Variants in WSB1 observed in about 807,000 individuals in gnomAD.
WSB1 encodes the protein WD repeat and SOCS box-containing protein 1.
Under a neutral mutation model 50.2 loss-of-function variants are expected in WSB1, and 23 were observed. The ratio of observed to expected loss-of-function variants is 0.46; its 90% CI spans 0.33 to 0.65. The LOEUF (loss-of-function observed/expected upper bound fraction) is 0.65. Ranked by LOEUF, WSB1 falls within the 30% of genes least tolerant of loss-of-function variation. The pLI is 0.02. For synonymous variants in WSB1, 179 were observed against 172.0 expected (o/e 1.04, Z -0.32); for missense variants, 492 against 522.3 (o/e 0.94, Z 0.56).
intron 7 of WSB1, 47 bp downstream of exon 7, chr17:27,310,221 A>G (rs902733599): frequency 1.3e-6 from 2 of 1,563,014 alleles, no homozygotes; most frequent in African/African-American, 1.4e-5. Context: ...TACCTTTTAC[A>G]TTCTTAAGCC....
chr17:27,300,945 C>T (rs2150831493), intron 1 of WSB1, among the ~76,000 whole-genome samples: 1 of 152,006 alleles, frequency 6.6e-6, no homozygotes, highest in South Asian at 2.1e-4. Context: ...TGCAGTGGCA[C>T]TTTCTTGGCT....
Position 27,304,823 on chromosome 17 carries a change from A to T in WSB1, c.522A>T (p.Arg174Ser), listed in dbSNP as rs773388942. The T allele has an allele frequency of 6.2e-7, 1 of 1,614,028 alleles. No individual in the cohort carries two copies. Among genetic ancestry groups the T allele is most frequent in the Non-Finnish European group, 8.5e-7 (1 of 1,179,976 alleles). The change falls in exon 4 of 9, where the codon AGA becomes AGT. Residue 174 changes from arginine to serine, a missense_variant. Transcript: ENST00000262394. ...TGGTAGATCATACTGAAGTGGTCAG[A>T]GATTTAACTTTTGCTCCAGATGGAA... is the stretch of plus-strand genomic sequence containing the variant. ...LNLVDHTEVV[R>S]DLTFAPDGSL...
At chr17:27,303,318 G>C (rs1334784347) in intron 2 of WSB1, 49 bp from the exon 3 acceptor site, 1 of 1,589,896 alleles carries the variant, frequency 6.3e-7, no homozygotes, top group African/African-American at 1.3e-5. Flanking sequence ...GTCCAGAGGA[G>C]TCCAGAGTGA....
In WSB1 at chr17:27,308,801, T is replaced by G. The variant is rs906367919; in HGVS notation, c.712-299T>G. The G allele has an allele frequency of 6.9e-6, 7 of 1,014,722 alleles. No individual in the cohort carries two copies. In the Admixed American group the frequency reaches 3.9e-4, roughly 56 times the overall value. 62.9% of individuals were successfully genotyped at this position (1,014,722 alleles called of 1,614,324 possible). ...CCGTATATTTTAGTTAATTAGTTTT[T>G]GGAATAAATGGATTTCAGTATAGCT... On this transcript the variant is annotated intron_variant, in intron 5 of 8. Coordinates refer to ENST00000262394, the MANE Select transcript of WSB1 (RefSeq NM_015626.10).
At chr17:27,307,777 T>C (rs2017518787) in intron 5 of WSB1, 1 of 1,535,410 alleles carries the variant, frequency 6.5e-7, no homozygotes, top group Non-Finnish European at 8.7e-7. Context: ...ATTGAGGTTA[T>C]GCTGGCACCA....
At chr17:27,302,404 A>G (rs1366626811) in intron 2 of WSB1, 1 of 145,242 alleles carries the variant, frequency 6.9e-6, no homozygotes, top group Non-Finnish European at 1.5e-5. Context: ...GAGCCAAATA[A>G]TGTCTCAAAA....
chr17:27,308,926 TTAAC>T (rs2017560737), intron 5 of WSB1, 170 bp from the exon 6 acceptor site: 1 of 1,225,048 alleles, frequency 8.2e-7, no homozygotes, highest in Non-Finnish European at 1.0e-6. Flanking sequence ...TCTGCCTTAA[TTAAC>T]TTAAAGACTG....
Position 27,312,331 on chromosome 17 carries a change from C to G in WSB1, c.1228C>G (p.Pro410Ala), listed in dbSNP as rs148844476. Residue 410 changes from proline (P) to alanine (A), a missense_variant, in exon 9 of 9, where the codon CCT (proline) becomes GCT (alanine). Transcript: ENST00000262394. ...CCAAGAAGTTCAGGAGCTGCCGATT[C>G]CTTCCAAGCTTTTGGAGTTTCTCTC... ...PTQEVQELPI[P>A]SKLLEFLSYR... 4.1e-4 allele frequency: 665 copies of G among 1,614,110 alleles called. No individual in the cohort carries two copies. The highest frequency in any genetic ancestry group is 5.4e-4 in the Non-Finnish European group (635 of 1,180,006).
chr17:27,298,684 C>G (rs2017095575), intron 1 of WSB1, among the ~76,000 whole-genome samples: 1 of 152,016 alleles, frequency 6.6e-6, no homozygotes, highest in Non-Finnish European at 1.5e-5. Flanking sequence ...AACCCCGTCT[C>G]TACTAAAAAT....
At chr17:27,298,682 C>G (rs938571549) in intron 1 of WSB1, among the ~76,000 whole-genome samples, 11 of 152,042 alleles carry the variant, frequency 7.2e-5, no homozygotes, top group African/African-American at 2.7e-4. Flanking sequence ...GAAACCCCGT[C>G]TCTACTAAAA....
chr17:27,302,143 G>T lies in WSB1; in HGVS notation c.209+187G>T, dbSNP rs62058565. ...AGAATTCTTTGGGCCGGGCGCGGCG[G>T]CTCAGGCCTATAATCCCAGCACTTT... On this transcript the variant is annotated intron_variant, in intron 2 of 8. Coordinates refer to ENST00000262394, the MANE Select transcript of WSB1 (RefSeq NM_015626.10). 4,491 of 716,186 alleles carry T rather than the reference G, an allele frequency of 6.3e-3. 22 individuals are homozygous for T. Among genetic ancestry groups the T allele is most frequent in the Admixed American group, 8.8e-3 (222 of 25,320 alleles). The allele number at this position is 716,186 out of a possible 1,614,324, so 44.4% of individuals were successfully genotyped here. A position where few individuals can be genotyped will look rare whatever the true frequency, so the allele number is the denominator to read the frequency against.
At chr17:27,299,450 A>G (rs543732219) in intron 1 of WSB1, among the ~76,000 whole-genome samples, 114 of 152,322 alleles carry the variant, frequency 7.5e-4, no homozygotes, top group African/African-American at 2.6e-3. Flanking sequence ...GTTCAAGGCT[A>G]CAGTGCGCAG....
In WSB1 at chr17:27,312,253, G is replaced by C. The variant is rs199630765; in HGVS notation, c.1150G>C (p.Val384Leu). The change falls in exon 9 of 9, where the codon GTC becomes CTC. Residue 384 changes from valine (V) to leucine (L), a missense_variant. Coordinates refer to ENST00000262394, the MANE Select transcript of WSB1 (RefSeq NM_015626.10). ...SVYFWATPRQ[V>L]PSLQHLCRMS... ...GTATTTTTGGGCCACTCCACGGCAGGTCCCTAGCCTGCAACATTTATGTCG... is the reference window on the plus strand; with the variant it reads ...GTATTTTTGGGCCACTCCACGGCAGCTCCCTAGCCTGCAACATTTATGTCG... 13 of 1,614,076 alleles carry C rather than the reference G, an allele frequency of 8.1e-6. No homozygotes were observed. The East Asian group carries it at 2.7e-4, about 33-fold the overall frequency.
chr17:27,300,536 C>T (rs1022349488), intron 1 of WSB1, among the ~76,000 whole-genome samples: 4 of 152,098 alleles, frequency 2.6e-5, no homozygotes, highest in Admixed American at 1.3e-4. Flanking sequence ...GTTAGGAATA[C>T]AAAATTTGAG....
At position 27,304,921 on chromosome 17, in the gene WSB1, T is replaced by C. The variant is rs1484192376; in HGVS notation, c.610+10T>C. Reference sequence around the variant, plus strand: ...GACCTGAAAGATGATGGTATGTCTTTTTTCCAAGCTATGAACTAGGATTTG... The same window carrying C: ...GACCTGAAAGATGATGGTATGTCTTCTTTCCAAGCTATGAACTAGGATTTG... On this transcript the variant is annotated intron_variant, in intron 4 of 8. Transcript: ENST00000262394. 6.2e-7 allele frequency: 1 copy of C among 1,613,630 alleles called. No homozygotes were observed. The highest frequency in any genetic ancestry group is 1.1e-5 in the South Asian group (1 of 91,072).
chr17:27,300,458 G>C (rs886269496), intron 1 of WSB1, among the ~76,000 whole-genome samples: 5 of 152,100 alleles, frequency 3.3e-5, no homozygotes, highest in Non-Finnish European at 7.4e-5. Flanking sequence ...GTATGAGCTT[G>C]TTGATCATGC....
chr17:27,307,460 A>G (rs1597765596), intron 5 of WSB1: 2 of 476,218 alleles, frequency 4.2e-6, no homozygotes, highest in South Asian at 2.5e-5. Context: ...CTCTGTTAGT[A>G]TAGTTAAATT....
rs1196119068 is a variant in WSB1, at chr17:27,312,314, T to C, written c.1211T>C (p.Val404Ala). ...SIRRVMPTQE[V>A]QELPIPSKLL... ...CGAAGAGTGATGCCCACCCAAGAAG[T>C]TCAGGAGCTGCCGATTCCTTCCAAG... Residue 404 changes from valine (V) to alanine (A), a missense_variant, in exon 9 of 9, where the codon GTT becomes GCT. Val to Ala is a moderately conservative substitution (Grantham distance 64, BLOSUM62 0). Transcript: ENST00000262394. The C allele has an allele frequency of 6.2e-7, 1 of 1,614,132 alleles. No homozygotes were observed. Among genetic ancestry groups the C allele is most frequent in the South Asian group, 1.1e-5 (1 of 91,082 alleles).
chr17:27,308,136 A>G (rs755502866), intron 5 of WSB1: 3 of 1,041,388 alleles, frequency 2.9e-6, no homozygotes, highest in Non-Finnish European at 3.5e-6. Flanking sequence ...TTCCAGAGAT[A>G]TCTTACGTCT....
Sources: gnomAD v4.1 joint callset for allele counts (sites outside exome capture counted in the v4.1 genomes callset) on GRCh38, gnomAD v4.1.1 for gene constraint, MANE v1.5 for transcripts, NCBI Gene and HGNC (gene_info 2026-07-23, HGNC 2026-07-21) for gene names.